HTT: variants seen among roughly 807,000 people sequenced by gnomAD.
HTT encodes huntingtin, also known as huntington disease protein.
In HTT, 104 loss-of-function variants were observed where a neutral mutation model predicts 362.3. The ratio of observed to expected loss-of-function variants is 0.29; its 90% CI spans 0.24 to 0.34. The LOEUF is 0.34. Among genes scored for constraint, HTT ranks in the 10% least tolerant of loss-of-function variants. HTT has a pLI of 1.00. For synonymous variants in HTT, 1,577 were observed against 1,548.7 expected (o/e 1.02, Z -0.43); for missense variants, 3,301 against 3,928.6 (o/e 0.84, Z 4.27).
At position 3,147,961 on chromosome 4, in the gene HTT, C is replaced by T. The variant is rs1434021097; in HGVS notation, c.3296-44C>T. Reference sequence around the variant, plus strand: ...AGTTCCCCAAGCAATTTGTCCTTCCCATGCTATTGGGGTGGAGAGGTAATG... The same window carrying T: ...AGTTCCCCAAGCAATTTGTCCTTCCTATGCTATTGGGGTGGAGAGGTAATG... On this transcript the variant is annotated intron_variant, in intron 25 of 66. Coordinates refer to ENST00000355072, the MANE Select transcript of HTT (RefSeq NM_001388492.1). The T allele has an allele frequency of 2.7e-6, 4 of 1,483,106 alleles. No homozygotes were observed. The African/African-American group carries it at 4.2e-5, about 16-fold the overall frequency. 91.9% of individuals were successfully genotyped at this position (1,483,106 alleles called of 1,614,324 possible).
chr4:3,204,631 A>G (rs1719764520), intron 42 of HTT, among the ~76,000 whole-genome samples: 1 of 152,132 alleles, frequency 6.6e-6, no homozygotes, highest in African/African-American at 2.4e-5. Flanking sequence ...GTTTGAGACA[A>G]GCCTGGGCTA....
At chr4:3,235,473 C>T in intron 62 of HTT, 75 bp downstream of exon 62, 1 of 1,503,556 alleles carries the variant, frequency 6.7e-7, no homozygotes, top group Non-Finnish European at 9.2e-7. Context: ...AGGATCATAC[C>T]AGTGGGCCAG....
rs1017510230 is a variant in HTT, at chr4:3,196,800, C to T, written c.5369-2932C>T. 2.2e-4 allele frequency among the ~76,000 whole-genome samples: 33 copies of T among 152,050 alleles called. 1 individual carries two copies. The highest frequency in any genetic ancestry group is 6.8e-4 in the African/African-American group (28 of 41,390). On this transcript the variant is annotated intron_variant, in intron 40 of 66. Coordinates refer to ENST00000355072, the MANE Select transcript of HTT (RefSeq NM_001388492.1). ...GCGAAACATGTATGTCTTACCTTTC[C>T]TTTCCTGCCTGTAGCTGCTCTTTTA...
intron 29 of HTT, among the ~76,000 whole-genome samples, chr4:3,164,989 G>A (rs1410546645): frequency 1.3e-5 from 2 of 152,146 alleles, no homozygotes; most frequent in African/African-American, 2.4e-5. Flanking sequence ...TATTTTGCCC[G>A]TTAACTGATG....
chr4:3,193,648 G>C (rs959347656), intron 40 of HTT, among the ~76,000 whole-genome samples: 52 of 152,358 alleles, frequency 3.4e-4, no homozygotes, highest in African/African-American at 1.2e-3. Flanking sequence ...TTCCAGCAGA[G>C]ACAGGATGTC....
In HTT at chr4:3,173,055, A is replaced by G; in HGVS notation, c.4090A>G (p.Thr1364Ala). ...LYHYCFMAPY[T>A]HFTQALADAS... ...CCACTACTGCTTCATGGCCCCGTAC[A>G]CCCACTTCACCCAGGCCCTCGCTGA... is the stretch of plus-strand genomic sequence containing the variant. The change falls in exon 31 of 67, where the codon ACC (threonine) becomes GCC (alanine). Residue 1364 changes from threonine to alanine, a missense_variant. This residue lies in a region of HTT where 2,316 missense variants were observed against 2,658.5 expected (regional missense o/e 0.87). Coordinates refer to ENST00000355072, the MANE Select transcript of HTT (RefSeq NM_001388492.1). The G allele has an allele frequency of 1.2e-6, 2 of 1,614,118 alleles. No individual in the cohort carries two copies. The highest frequency in any genetic ancestry group is 1.7e-6 in the Non-Finnish European group (2 of 1,180,034).
In HTT at chr4:3,218,266, G is replaced by A. The variant is rs1720507957; in HGVS notation, c.7242+314G>A. On this transcript the variant is annotated intron_variant, in intron 52 of 66. Coordinates refer to ENST00000355072, the MANE Select transcript of HTT (RefSeq NM_001388492.1). This position sits in a 1 kb window ranked among gnomAD's most constrained non-coding sequence, Gnocchi z 4.4. ...GACCAGAAACCACACCCCCTCGAGT[G>A]AGTGAGATTTTCCTTTGGAGATAAT... Among the ~76,000 whole-genome samples the A allele has an allele frequency of 6.6e-6, 1 of 152,246 alleles. No individual in the cohort carries two copies. The highest frequency in any genetic ancestry group is 2.4e-5 in the African/African-American group (1 of 41,466).
Position 3,174,763 on chromosome 4 carries a change from A to G in HTT, c.4209A>G (p.Thr1403=). Residue 1403 remains threonine (T), a synonymous_variant, in exon 32 of 67, where the codon ACA becomes ACG. Transcript: ENST00000355072. ...AGAAAGTGTCTACCCAGTTGAAGAC[A>G]AACCTCACGAGTGTCACAAAGAACC... is the stretch of plus-strand genomic sequence containing the variant. ...VLQKVSTQLK[T]NLTSVTKNRA... 1 of 1,614,202 alleles carries G rather than the reference A, an allele frequency of 6.2e-7. No homozygotes were observed. The highest frequency in any genetic ancestry group is 1.1e-5 in the South Asian group (1 of 91,076).
intron 40 of HTT, among the ~76,000 whole-genome samples, chr4:3,189,767 G>A (rs1358104781): frequency 6.6e-6 from 1 of 152,208 alleles, no homozygotes; most frequent in Non-Finnish European, 1.5e-5. Flanking sequence ...GCTCATGCCT[G>A]AAATCCAAGC....
At chr4:3,220,417 G>A in intron 53 of HTT, 109 bp downstream of exon 53, 1 of 1,167,412 alleles carries the variant, frequency 8.6e-7, no homozygotes, top group Non-Finnish European at 1.2e-6. Flanking sequence ...AAAGATTTAA[G>A]CATGATAATA....
chr4:3,153,741 G>A (rs1332934990), intron 26 of HTT, among the ~76,000 whole-genome samples: 1 of 152,090 alleles, frequency 6.6e-6, no homozygotes, highest in Non-Finnish European at 1.5e-5. Context: ...GGGCATCATA[G>A]TGTGAGATCC....
chr4:3,186,787 C>T, intron 38 of HTT, 68 bp downstream of exon 38: 12 of 1,534,034 alleles, frequency 7.8e-6, no homozygotes, highest in Non-Finnish European at 1.1e-5. Flanking sequence ...ACTGGGACCA[C>T]CCCCAGAATG....
At chr4:3,108,169 T>C (rs1714534467) in intron 6 of HTT, among the ~76,000 whole-genome samples, 1 of 152,202 alleles carries the variant, frequency 6.6e-6, no homozygotes, top group Non-Finnish European at 1.5e-5. Context: ...AAGGAATATG[T>C]GTTAGAGTGT....
intron 12 of HTT, chr4:3,129,652 T>A: frequency 3.3e-6 from 1 of 304,682 alleles, no homozygotes; most frequent in Non-Finnish European, 6.0e-6. Flanking sequence ...ATGGGTTTTT[T>A]CTTTTTCATA....
At position 3,225,650 on chromosome 4, in the gene HTT, G is replaced by A; in HGVS notation, c.7766-11G>A. 1 of 1,613,024 alleles carries A rather than the reference G, an allele frequency of 6.2e-7. No homozygotes were observed. Among genetic ancestry groups the A allele is most frequent in the Non-Finnish European group, 8.5e-7 (1 of 1,179,110 alleles). ...TGTGCAGATCAAGACTCAGGGTGCT[G>A]GTGTTCACAGGTGCCCTCATCAGCC... On this transcript the variant is annotated splice_polypyrimidine_tract_variant and intron_variant, in intron 56 of 66. Coordinates refer to ENST00000355072, the MANE Select transcript of HTT (RefSeq NM_001388492.1).
intron 1 of HTT, among the ~76,000 whole-genome samples, chr4:3,082,258 T>C (rs1712952085): frequency 2.0e-5 from 3 of 152,238 alleles, no homozygotes; most frequent in Non-Finnish European, 4.4e-5. Flanking sequence ...CACATTTTTG[T>C]GGCTGTAGAA....
intron 3 of HTT, among the ~76,000 whole-genome samples, chr4:3,100,925 C>T (rs1468640997): frequency 1.3e-5 from 2 of 152,160 alleles, no homozygotes; most frequent in Admixed American, 6.5e-5. Flanking sequence ...GATGGGATCT[C>T]GCCAGGTTGC....
intron 34 of HTT, 117 bp downstream of exon 34, chr4:3,177,504 G>T: frequency 1.5e-6 from 1 of 663,854 alleles, no homozygotes; most frequent in South Asian, 2.0e-5. Context: ...TTCTTTAAAT[G>T]GAAATCTGAC....
chr4:3,157,248 T>A (rs1717196132), intron 28 of HTT, 49 bp downstream of exon 28: 3 of 1,514,222 alleles, frequency 2.0e-6, no homozygotes, highest in Non-Finnish European at 2.7e-6. Context: ...CATACTTACG[T>A]CTAATGGATA....
Sources: gnomAD v4.1 joint callset for allele counts (sites outside exome capture counted in the v4.1 genomes callset) on GRCh38, gnomAD v4.1.1 for gene constraint, gnomAD v4.1.1 regional missense constraint, Gnocchi (gnomAD v3.1) non-coding constraint, MANE v1.5 for transcripts, NCBI Gene and HGNC (gene_info 2026-07-23, HGNC 2026-07-21) for gene names.